CAMK2D: variants seen among roughly 807,000 people sequenced by gnomAD.
The protein encoded by CAMK2D is calcium/calmodulin-dependent protein kinase type II subunit delta.
In CAMK2D, 37 loss-of-function variants were observed where a neutral mutation model predicts 84.0. The ratio of observed to expected loss-of-function variants is 0.44; its 90% confidence interval spans 0.34 to 0.58. CAMK2D has a LOEUF of 0.58. CAMK2D is among the 20% of genes least tolerant of loss of function. The pLI, the probability that CAMK2D is intolerant of heterozygous loss-of-function variation, is 0.02. For synonymous variants in CAMK2D, 202 were observed against 212.5 expected (o/e 0.95, Z 0.43); for missense variants, 448 against 652.5 (o/e 0.69, Z 3.41).
Position 113,664,930 on chromosome 4 carries a change from A to G in CAMK2D, c.161-3158T>C, listed in dbSNP as rs1453093207. The stretch of plus-strand genomic sequence containing the variant: ...GCAATTCTCCTGCCTCAGCCTCCCA[A>G]GTAGCTGGCATTGCAGGCACCTGCC... On this transcript the variant is annotated intron_variant, in intron 2 of 20. Coordinates refer to ENST00000511664, the MANE Select transcript of CAMK2D (RefSeq NM_001321571.2). Among the ~76,000 whole-genome samples, 3 of 152,214 alleles carry G rather than the reference A, an allele frequency of 2.0e-5. No individual in the cohort carries two copies. In the East Asian group the frequency reaches 5.8e-4, roughly 29 times the overall value.
Position 113,506,814 on chromosome 4 carries a change from A to C in CAMK2D, c.985-1779T>G, listed in dbSNP as rs971365223. Among the ~76,000 whole-genome samples the C allele has an allele frequency of 2.1e-4, 32 of 152,296 alleles. 1 individual carries two copies. In the Middle Eastern group the frequency reaches 0.01, roughly 49 times the overall value. On this transcript the variant is annotated intron_variant, in intron 13 of 20. Transcript: ENST00000511664. ...GACTTTTTTCTAGGATGTGGTTGCC[A>C]AGAACTGCTTTATTTTAGTGAAAAT... is the stretch of plus-strand genomic sequence containing the variant.
At chr4:113,455,563 A>C (rs1343654423) in intron 20 of CAMK2D, among the ~76,000 whole-genome samples, 163 bp downstream of exon 20, 1 of 152,174 alleles carries the variant, frequency 6.6e-6, no homozygotes, top group East Asian at 1.9e-4. Context: ...GCTGAATGTT[A>C]GATTCAAAAG....
At chr4:113,660,681 G>A (rs1366917207) in intron 3 of CAMK2D, among the ~76,000 whole-genome samples, 2 of 151,880 alleles carry the variant, frequency 1.3e-5, no homozygotes, top group Non-Finnish European at 1.5e-5. Context: ...GTAAACCACC[G>A]CACCTGGCCT....
chr4:113,697,966 T>G (rs1248426306), intron 2 of CAMK2D, among the ~76,000 whole-genome samples: 3 of 152,098 alleles, frequency 2.0e-5, no homozygotes, highest in Admixed American at 6.6e-5. Flanking sequence ...GTTCCTCAAC[T>G]TATTATAGAG....
At chr4:113,462,528 C>G (rs1448629766) in intron 17 of CAMK2D, among the ~76,000 whole-genome samples, 4 of 152,018 alleles carry the variant, frequency 2.6e-5, no homozygotes, top group Non-Finnish European at 5.9e-5. Context: ...CGAATGGAAG[C>G]CCTGTTGGAT....
chr4:113,720,583 A>T (rs546192114), intron 2 of CAMK2D, among the ~76,000 whole-genome samples: 39 of 152,178 alleles, frequency 2.6e-4, no homozygotes, highest in Non-Finnish European at 5.2e-4. Flanking sequence ...AATTTCAAAA[A>T]AAAGCTAATA....
At chr4:113,750,789 T>C (rs961911641) in intron 2 of CAMK2D, among the ~76,000 whole-genome samples, 25 of 152,074 alleles carry the variant, frequency 1.6e-4, no homozygotes, top group Non-Finnish European at 3.4e-4. Flanking sequence ...GATAGGGGGA[T>C]TGCCTTACAC....
At chr4:113,653,718 G>A (rs991062894) in intron 3 of CAMK2D, among the ~76,000 whole-genome samples, 6 of 151,918 alleles carry the variant, frequency 3.9e-5, no homozygotes, top group Admixed American at 3.9e-4. Context: ...TTCAAAAACT[G>A]GAATATTGGT....
intron 6 of CAMK2D, among the ~76,000 whole-genome samples, chr4:113,542,456 G>A (rs371152197): frequency 2.0e-5 from 3 of 151,948 alleles, no homozygotes; most frequent in Non-Finnish European, 4.4e-5. Flanking sequence ...TGGCTCGTGC[G>A]TGTAATCCCA....
intron 17 of CAMK2D, among the ~76,000 whole-genome samples, chr4:113,464,792 C>G (rs1222641671): frequency 2.0e-5 from 3 of 152,218 alleles, no homozygotes; most frequent in Non-Finnish European, 4.4e-5. Context: ...ACCTCCTAAT[C>G]TCTTTCTCTG....
chr4:113,736,340 C>T (rs1231771092), intron 2 of CAMK2D, among the ~76,000 whole-genome samples: 1 of 151,932 alleles, frequency 6.6e-6, no homozygotes, highest in Non-Finnish European at 1.5e-5. Context: ...CATATTAAAC[C>T]CTATAGCCTT....
chr4:113,612,471 C>T (rs899533362), intron 3 of CAMK2D, among the ~76,000 whole-genome samples: 10 of 152,176 alleles, frequency 6.6e-5, no homozygotes, highest in South Asian at 2.1e-4. Flanking sequence ...TCAAGACTGA[C>T]GGCATGGCTG....
intron 2 of CAMK2D, among the ~76,000 whole-genome samples, chr4:113,678,824 CA>C (rs1394478906): frequency 6.6e-6 from 1 of 152,006 alleles, no homozygotes; most frequent in African/African-American, 2.4e-5. Context: ...GTATAAAATA[CA>C]AAGACAGAAA....
intron 4 of CAMK2D, among the ~76,000 whole-genome samples, chr4:113,564,186 G>A (rs1201222942): frequency 6.6e-6 from 1 of 152,100 alleles, no homozygotes; most frequent in Admixed American, 6.5e-5. Context: ...CCTCCTCCTT[G>A]GAAAGCTAAC....
At chr4:113,571,612 G>A (rs1282580293) in intron 4 of CAMK2D, among the ~76,000 whole-genome samples, 2 of 152,282 alleles carry the variant, frequency 1.3e-5, no homozygotes, top group South Asian at 2.1e-4. Context: ...GGTGGCTCAC[G>A]CCTGTAATCC....
intron 2 of CAMK2D, among the ~76,000 whole-genome samples, chr4:113,739,445 C>CA (rs1418494722): frequency 6.6e-6 from 1 of 151,754 alleles, no homozygotes; most frequent in East Asian, 1.9e-4. Flanking sequence ...CACTTGCCAA[C>CA]AAAAAAGGAA....
At chr4:113,578,150 C>A (rs1195444256) in intron 4 of CAMK2D, among the ~76,000 whole-genome samples, 1 of 152,140 alleles carries the variant, frequency 6.6e-6, no homozygotes, top group East Asian at 1.9e-4. Context: ...ATTCTGTTCC[C>A]AAGGAACAGT....
intron 2 of CAMK2D, among the ~76,000 whole-genome samples, chr4:113,708,812 C>T (rs1368738718): frequency 6.6e-6 from 1 of 152,126 alleles, no homozygotes; most frequent in East Asian, 1.9e-4. Context: ...GCAACCTCCG[C>T]CTCCCGGGTT....
intron 8 of CAMK2D, among the ~76,000 whole-genome samples, chr4:113,520,134 G>T (rs2098337040): frequency 6.6e-6 from 1 of 151,814 alleles, no homozygotes; most frequent in African/African-American, 2.4e-5. Context: ...GGCCGGGCGT[G>T]GTGGCTCACA....
Sources: allele counts gnomAD v4.1 joint callset (sites outside exome capture counted in the v4.1 genomes callset), GRCh38; gene constraint gnomAD v4.1.1; transcripts MANE v1.5; gene names NCBI Gene and HGNC (gene_info 2026-07-23, HGNC 2026-07-21).